The following PHF14 variants were observed in gnomAD, a reference collection of about 807,000 sequenced individuals.
The protein encoded by PHF14 is PHD finger protein 14.
PHF14 carries 55 observed loss-of-function variants against 117.9 expected under a neutral mutation model. The ratio of observed to expected loss-of-function variants is 0.47; its 90% CI spans 0.38 to 0.58. The LOEUF is 0.58. Among genes scored for constraint, PHF14 ranks in the 20% least tolerant of loss-of-function variants. The pLI, the probability that PHF14 is intolerant of heterozygous loss-of-function variation, is 0.00. For synonymous variants in PHF14, 409 were observed against 368.6 expected (o/e 1.11, Z -1.26); for missense variants, 978 against 1,122.2 (o/e 0.87, Z 1.84).
rs1056682814 is a variant in PHF14, at chr7:10,973,973, G to C, written c.-351G>C. 3 of 249,376 alleles carry C rather than the reference G, an allele frequency of 1.2e-5. No individual in the cohort carries two copies. The highest frequency in any genetic ancestry group is 4.6e-5 in the African/African-American group (2 of 43,826). The allele number at this position is 249,376 out of a possible 1,614,324, so 15.4% of individuals were successfully genotyped here. A position where few individuals can be genotyped will look rare whatever the true frequency, so the allele number is the denominator to read the frequency against. ...CTGGTCTTTCGTTGCTTCTGGTCCA[G>C]GCTAATAAAGTTTTTCTTTCTTTAA... On this transcript the variant is annotated 5_prime_UTR_variant, in exon 1 of 18. Transcript: ENST00000634607.
At chr7:11,086,699 T>A (rs1786422708) in intron 16 of PHF14, among the ~76,000 whole-genome samples, 1 of 152,228 alleles carries the variant, frequency 6.6e-6, no homozygotes, top group African/African-American at 2.4e-5. Context: ...TGTCAGATAT[T>A]AATGGGATCT....
chr7:11,041,907 A>G (rs1311122104), intron 12 of PHF14, among the ~76,000 whole-genome samples: 1 of 151,666 alleles, frequency 6.6e-6, no homozygotes. Context: ...TTTAAAAAAA[A>G]AACCTAACCA....
At chr7:11,041,433 T>C (rs1351129945) in intron 12 of PHF14, among the ~76,000 whole-genome samples, 1 of 151,970 alleles carries the variant, frequency 6.6e-6, no homozygotes, top group Admixed American at 6.6e-5. Flanking sequence ...TTTGTGTGTG[T>C]GTGTGTGTGT....
At chr7:11,065,117 A>G (rs1785380381) in intron 16 of PHF14, among the ~76,000 whole-genome samples, 2 of 152,072 alleles carry the variant, frequency 1.3e-5, no homozygotes, top group African/African-American at 4.8e-5. Flanking sequence ...GTTTTCTAAA[A>G]TGATTAGATT....
chr7:11,014,155 G>C (rs951356194), intron 5 of PHF14, among the ~76,000 whole-genome samples: 3 of 152,152 alleles, frequency 2.0e-5, no homozygotes, highest in Non-Finnish European at 4.4e-5. Flanking sequence ...TGATGAGGCA[G>C]GTGGTAACGT....
chr7:11,158,614 G>A (rs1199896741), intron 17 of PHF14, among the ~76,000 whole-genome samples: 1 of 152,056 alleles, frequency 6.6e-6, no homozygotes. Flanking sequence ...TCACTAAGCA[G>A]TTTTAAAATC....
At chr7:11,083,375 C>T (rs62440485) in intron 16 of PHF14, among the ~76,000 whole-genome samples, 51,441 of 151,592 alleles carry the variant, frequency 0.34, 9,391 homozygotes, top group East Asian at 0.73. Flanking sequence ...GTGTGCACAC[C>T]GTCTCTCTTT....
rs114530549 is a variant in PHF14, at chr7:11,138,369, C to G, written c.2772+26902C>G. Among the ~76,000 whole-genome samples, 1,182 of 152,090 alleles carry G rather than the reference C, an allele frequency of 7.8e-3. 11 individuals carry two copies. The highest frequency in any genetic ancestry group is 0.027 in the African/African-American group (1,130 of 41,494). On this transcript the variant is annotated intron_variant, in intron 17 of 17. Transcript: ENST00000634607. ...AAAATATTTCTAAAGAGACTCCTTACAAGGTGATAATGAAAAAAAAACACA... is the reference window on the plus strand; with the variant it reads ...AAAATATTTCTAAAGAGACTCCTTAGAAGGTGATAATGAAAAAAAAACACA...
At chr7:11,062,110 C>G (rs1583425264) in intron 16 of PHF14, 25 bp downstream of exon 16, 1 of 1,572,132 alleles carries the variant, frequency 6.4e-7, no homozygotes, top group Non-Finnish European at 8.6e-7. Flanking sequence ...AAAACCTTGT[C>G]TTTAGGGGAT....
At chr7:11,165,052 G>C (rs1395248204) in intron 17 of PHF14, among the ~76,000 whole-genome samples, 1 of 152,104 alleles carries the variant, frequency 6.6e-6, no homozygotes, top group African/African-American at 2.4e-5. Context: ...AGCCTCCCGA[G>C]TAGCTGGGAC....
intron 17 of PHF14, among the ~76,000 whole-genome samples, chr7:11,122,668 G>T (rs1787811415): frequency 6.6e-6 from 1 of 151,496 alleles, no homozygotes. Context: ...TCTTTTTCTG[G>T]GAATATCAGA....
chr7:11,052,591 A>G (rs1784881871), intron 14 of PHF14, among the ~76,000 whole-genome samples: 1 of 152,208 alleles, frequency 6.6e-6, no homozygotes, highest in South Asian at 2.1e-4. Context: ...CACTCATACC[A>G]GCAATGGATA....
intron 16 of PHF14, among the ~76,000 whole-genome samples, chr7:11,095,366 G>C (rs925101212): frequency 1.3e-5 from 2 of 152,150 alleles, no homozygotes; most frequent in Non-Finnish European, 2.9e-5. Context: ...TACTTCTCCA[G>C]AATCTGTACT....
At chr7:11,069,694 C>CTTCT (rs1365178359) in intron 16 of PHF14, among the ~76,000 whole-genome samples, 2 of 130,982 alleles carry the variant, frequency 1.5e-5, no homozygotes, top group African/African-American at 2.8e-5. Flanking sequence ...TCCTTCCTTC[C>CTTCT]TTCCTTCTTT....
At chr7:11,112,873 A>G (rs1787490313) in intron 17 of PHF14, among the ~76,000 whole-genome samples, 1 of 152,142 alleles carries the variant, frequency 6.6e-6, no homozygotes, top group Non-Finnish European at 1.5e-5. Flanking sequence ...ATTGTAAACT[A>G]TATAGTAGCA....
At chr7:11,071,309 C>T (rs371793909) in intron 16 of PHF14, 2 of 518,192 alleles carry the variant, frequency 3.9e-6, no homozygotes, top group Middle Eastern at 3.2e-4. Flanking sequence ...TCACAAGCTC[C>T]TGTGTAACAT....
intron 7 of PHF14, 43 bp downstream of exon 7, chr7:11,028,861 A>C: frequency 6.5e-7 from 1 of 1,550,370 alleles, no homozygotes; most frequent in Non-Finnish European, 8.9e-7. Flanking sequence ...TGTTCACAAG[A>C]TATCTTTTGA....
At position 11,038,859 on chromosome 7, in the gene PHF14, A is replaced by G. The variant is rs745368140; in HGVS notation, c.2076+4A>G. On this transcript the variant is annotated splice_donor_region_variant and intron_variant, in intron 11 of 17. Coordinates refer to ENST00000634607, the MANE Select transcript of PHF14 (RefSeq NM_001007157.2). Reference sequence around the variant, plus strand: ...ACTAGGCAGAATCACAGGGCAGGTTAGTTTCTTTCCAATTGCTGTCTCCTT... The same window carrying G: ...ACTAGGCAGAATCACAGGGCAGGTTGGTTTCTTTCCAATTGCTGTCTCCTT... 6.8e-7 allele frequency: 1 copy of G among 1,464,614 alleles called. No homozygotes were observed. The highest frequency in any genetic ancestry group is 9.4e-7 in the Non-Finnish European group (1 of 1,068,212). The allele number at this position is 1,464,614 out of a possible 1,614,324, so 90.7% of individuals were successfully genotyped here. A position where few individuals can be genotyped will look rare whatever the true frequency, so the allele number is the denominator to read the frequency against.
Position 11,038,791 on chromosome 7 carries a change from T to C in PHF14, c.2012T>C (p.Leu671Pro), listed in dbSNP as rs1386438685. The change falls in exon 11 of 18, where the codon CTG (leucine) becomes CCG (proline). Residue 671 changes from leucine (L) to proline (P), a missense_variant. Physicochemically the swap from Leu to Pro is moderately conservative, Grantham distance 98 (BLOSUM62 -3). Coordinates refer to ENST00000634607, the MANE Select transcript of PHF14 (RefSeq NM_001007157.2). ...LCESLEELQN[L>P]NGKLRSEGQG... is the part of the protein sequence containing the mutation. Reference sequence around the variant, plus strand: ...GAATCTTTAGAAGAACTACAAAACCTGAATGGAAAACTTCGAAGTGAAGGA... The same window carrying C: ...GAATCTTTAGAAGAACTACAAAACCCGAATGGAAAACTTCGAAGTGAAGGA... The C allele has an allele frequency of 6.3e-7, 1 of 1,594,628 alleles. No individual in the cohort carries two copies.
Sources: gnomAD v4.1 joint callset for allele counts (sites outside exome capture counted in the v4.1 genomes callset) on GRCh38, gnomAD v4.1.1 for gene constraint, MANE v1.5 for transcripts, NCBI Gene and HGNC (gene_info 2026-07-23, HGNC 2026-07-21) for gene names.